SHANK2: variants seen among roughly 807,000 people sequenced by gnomAD.
SHANK2 encodes SH3 and multiple ankyrin repeat domains protein 2.
In SHANK2, 43 loss-of-function variants were observed where a neutral mutation model predicts 133.7. The observed-to-expected ratio is 0.32, with a 90% CI of 0.25 to 0.41. The LOEUF is 0.41. SHANK2 is among the 10% of genes least tolerant of loss of function. SHANK2 has a pLI of 1.00. For synonymous variants in SHANK2, 1,017 were observed against 952.8 expected (o/e 1.07, Z -1.24); for missense variants, 1,994 against 2,235.8 (o/e 0.89, Z 2.18).
intron 3 of SHANK2, among the ~76,000 whole-genome samples, chr11:71,138,490 A>G (rs11232227): frequency 0.071 from 10,815 of 152,278 alleles, 872 homozygotes; most frequent in African/African-American, 0.2. Context: ...TTAATCCACA[A>G]TAATAAGCAG....
chr11:70,892,017 A>T (rs1339636706), intron 11 of SHANK2, among the ~76,000 whole-genome samples: 2 of 152,198 alleles, frequency 1.3e-5, no homozygotes, highest in Non-Finnish European at 2.9e-5. Context: ...TGACTAAAAC[A>T]TGATGTCTCT....
chr11:70,578,510 C>T (rs552305186), intron 17 of SHANK2, among the ~76,000 whole-genome samples: 1 of 152,308 alleles, frequency 6.6e-6, no homozygotes, highest in African/African-American at 2.4e-5. Flanking sequence ...CTCGTGGCCA[C>T]GACGGGCTCC....
chr11:71,111,105 T>C (rs1388700997), intron 5 of SHANK2, among the ~76,000 whole-genome samples: 3 of 152,190 alleles, frequency 2.0e-5, no homozygotes, highest in Non-Finnish European at 2.9e-5. Context: ...GAGTCACACT[T>C]TTGTTGTTTA....
chr11:70,832,082 CTG>C (rs1555058672), intron 11 of SHANK2, among the ~76,000 whole-genome samples: 1 of 152,234 alleles, frequency 6.6e-6, no homozygotes, highest in African/African-American at 2.4e-5. Context: ...AGTCTCAGCT[CTG>C]TGAGCCCAGA....
At chr11:70,934,264 A>C (rs1249941851) in intron 10 of SHANK2, among the ~76,000 whole-genome samples, 3 of 150,734 alleles carry the variant, frequency 2.0e-5, no homozygotes, top group Non-Finnish European at 4.4e-5. Context: ...AAAAAAAAAA[A>C]CAGCAGCAAC....
intron 17 of SHANK2, among the ~76,000 whole-genome samples, chr11:70,601,068 T>TCTATA (rs781966152): frequency 6.8e-6 from 1 of 147,356 alleles, no homozygotes. Context: ...TATATCTATA[T>TCTATA]TTGAGATGGA....
intron 9 of SHANK2, among the ~76,000 whole-genome samples, chr11:71,060,138 C>T (rs908107232): frequency 5.3e-5 from 8 of 152,188 alleles, no homozygotes; most frequent in Admixed American, 1.3e-4. Flanking sequence ...TTTGCCTTCA[C>T]GGGAACATCC....
intron 3 of SHANK2, among the ~76,000 whole-genome samples, chr11:71,146,489 C>T (rs1157585949): frequency 1.3e-5 from 2 of 152,232 alleles, no homozygotes; most frequent in East Asian, 3.9e-4. Flanking sequence ...GCAAATCCAA[C>T]AAAAGGGACC....
chr11:71,201,817 G>A (rs1954026275), intron 2 of SHANK2, among the ~76,000 whole-genome samples: 1 of 152,148 alleles, frequency 6.6e-6, no homozygotes, highest in South Asian at 2.1e-4. Flanking sequence ...CTGTGGGAAG[G>A]AGGCAGGGAT....
At chr11:71,225,169 C>A (rs1555121999) in intron 1 of SHANK2, among the ~76,000 whole-genome samples, 1 of 152,118 alleles carries the variant, frequency 6.6e-6, no homozygotes, top group Non-Finnish European at 1.5e-5. Context: ...TCTCTTTAGT[C>A]GAAAGACTAG....
chr11:71,245,274 C>A (rs1555124820), intron 1 of SHANK2, among the ~76,000 whole-genome samples: 1 of 152,244 alleles, frequency 6.6e-6, no homozygotes, highest in Non-Finnish European at 1.5e-5. Flanking sequence ...GCCACCTCGA[C>A]CGGCCTCACC....
At chr11:70,936,389 G>A (rs1950571186) in intron 10 of SHANK2, among the ~76,000 whole-genome samples, 1 of 152,134 alleles carries the variant, frequency 6.6e-6, no homozygotes, top group South Asian at 2.1e-4. Context: ...GCACGTGCCT[G>A]TAGTCCCAGC....
intron 3 of SHANK2, among the ~76,000 whole-genome samples, chr11:71,141,179 C>T (rs2135382087): frequency 6.6e-6 from 1 of 152,260 alleles, no homozygotes; most frequent in Non-Finnish European, 1.5e-5. Flanking sequence ...GGACACATGC[C>T]CTGTGGACGG....
intron 14 of SHANK2, among the ~76,000 whole-genome samples, chr11:70,780,646 T>C (rs1555044929): frequency 6.6e-6 from 1 of 150,604 alleles, no homozygotes; most frequent in Non-Finnish European, 1.5e-5. Context: ...CAGTCTCGGC[T>C]CACTGCAACC....
At chr11:71,058,943 G>A (rs916116578) in intron 9 of SHANK2, among the ~76,000 whole-genome samples, 6 of 152,224 alleles carry the variant, frequency 3.9e-5, no homozygotes, top group East Asian at 1.9e-4. Context: ...GGTTGGGCGC[G>A]GTGGCTCACG....
At chr11:70,849,067 G>C (rs183140302) in intron 11 of SHANK2, among the ~76,000 whole-genome samples, 1 of 152,048 alleles carries the variant, frequency 6.6e-6, no homozygotes, top group Non-Finnish European at 1.5e-5. Context: ...TGGTAGAAAC[G>C]GCCTGGACCT....
Position 70,471,925 on chromosome 11 carries a change from T to C in SHANK2, c.*944A>G, listed in dbSNP as rs1240376162. 1 of 152,420 alleles carries C rather than the reference T, an allele frequency of 6.6e-6. No homozygotes were observed. Among genetic ancestry groups the C allele is most frequent in the Admixed American group, 6.5e-5 (1 of 15,278 alleles). The allele number at this position is 152,420 out of a possible 1,614,324, so 9.4% of individuals were successfully genotyped here. A position where few individuals can be genotyped will look rare whatever the true frequency, so the allele number is the denominator to read the frequency against. Reference sequence around the variant, plus strand: ...TCACCTGCTCTGATCTTTGCAGAGCTCAAGACATCTTCAATTAAAAAGAAT... The same window carrying C: ...TCACCTGCTCTGATCTTTGCAGAGCCCAAGACATCTTCAATTAAAAAGAAT... On this transcript the variant is annotated 3_prime_UTR_variant, in exon 26 of 26. Coordinates refer to ENST00000601538, the MANE Select transcript of SHANK2 (RefSeq NM_012309.5). This position sits in a 1 kb window ranked among gnomAD's most constrained non-coding sequence, Gnocchi z 4.1.
At position 71,115,743 on chromosome 11, in the gene SHANK2, A is replaced by G. The variant is rs538715538; in HGVS notation, c.412-2379T>C. ...GGTACTGGGGCCAGATGTAGAGGAG[A>G]CTCCCAAATTCTCTGGTCTTCTCGC... On this transcript the variant is annotated intron_variant, in intron 4 of 25. Transcript: ENST00000601538. Among the ~76,000 whole-genome samples, 3 of 151,744 alleles carry G rather than the reference A, an allele frequency of 2.0e-5. No individual in the cohort carries two copies. In the South Asian group the frequency reaches 6.3e-4, roughly 32 times the overall value.
chr11:70,748,399 C>T (rs896605354), intron 14 of SHANK2, among the ~76,000 whole-genome samples: 1 of 152,134 alleles, frequency 6.6e-6, no homozygotes, highest in Admixed American at 6.5e-5. Context: ...AAAAAGGGAC[C>T]GTCCCCTGCC....
Sources: allele counts gnomAD v4.1 joint callset (sites outside exome capture counted in the v4.1 genomes callset), GRCh38; gene constraint gnomAD v4.1.1; non-coding constraint Gnocchi (gnomAD v3.1); transcripts MANE v1.5; gene names NCBI Gene and HGNC (gene_info 2026-07-23, HGNC 2026-07-21).